Variants in CCDC149 observed in about 807,000 individuals in gnomAD.
The protein encoded by CCDC149 is coiled-coil domain containing 149, also known as coiled-coil domain-containing protein 149.
CCDC149 carries 45 observed loss-of-function variants against 59.9 expected under a neutral mutation model. That is an observed-to-expected ratio of 0.75 (90% CI 0.59 to 0.96). The LOEUF is 0.96. Among genes scored for constraint, CCDC149 ranks in the 40% least tolerant of loss-of-function variants. The probability of loss-of-function intolerance (pLI) is 0.00; values close to 1 mark genes in which losing one functional copy is unlikely to be tolerated. For missense variants in CCDC149, 584 were observed against 664.7 expected, an observed-to-expected ratio of 0.88 and a Z score of 1.33; for synonymous variants, 245 against 260.6, an observed-to-expected ratio of 0.94 and a Z score of 0.58.
chr4:24,853,257 A>G, intron 3 of CCDC149, 78 bp from the exon 4 acceptor site: 1 of 1,075,134 alleles, frequency 9.3e-7, no homozygotes, highest in East Asian at 2.4e-5. Context: ...GGGCTTGTGG[A>G]TGCTGGTGTC....
intron 12 of CCDC149, among the ~76,000 whole-genome samples, chr4:24,811,946 A>C (rs1044764521): frequency 6.6e-6 from 1 of 151,448 alleles, no homozygotes; most frequent in African/African-American, 2.4e-5. Flanking sequence ...GGCAGAATCC[A>C]TTTTCCGCCT....
At position 24,939,574 on chromosome 4, in the gene CCDC149, G is replaced by C. The variant is rs571707329; in HGVS notation, c.-65+40495C>G. 1.6e-3 allele frequency among the ~76,000 whole-genome samples: 240 copies of C among 152,226 alleles called. 1 individual carries two copies. The highest frequency in any genetic ancestry group is 5.2e-3 in the African/African-American group (216 of 41,540). Reference sequence around the variant, plus strand: ...GACTTTGACGAGTTGAGAGAGAAAGGCTTCAGAAGATCAAACTACTCTGAG... The same window carrying C: ...GACTTTGACGAGTTGAGAGAGAAAGCCTTCAGAAGATCAAACTACTCTGAG... On this transcript the variant is annotated intron_variant, in intron 1 of 12. Transcript: ENST00000389609.
chr4:24,813,866 G>A (rs374015082), intron 12 of CCDC149, among the ~76,000 whole-genome samples: 18 of 152,248 alleles, frequency 1.2e-4, no homozygotes, highest in East Asian at 3.9e-4. Context: ...CTACCAAGAC[G>A]AAGGGTGGAG....
chr4:24,951,400 T>C (rs1723288054), intron 1 of CCDC149, among the ~76,000 whole-genome samples: 1 of 152,248 alleles, frequency 6.6e-6, no homozygotes, highest in South Asian at 2.1e-4. Context: ...GTCATAGAGG[T>C]AAATAATAAT....
intron 9 of CCDC149, 115 bp downstream of exon 9, chr4:24,831,391 G>T: frequency 2.0e-6 from 2 of 981,032 alleles, no homozygotes; most frequent in Non-Finnish European, 3.1e-6. Context: ...TTCTTGATTT[G>T]AGGGGTCTCA....
chr4:24,856,555 C>T (rs1718021715), intron 3 of CCDC149, among the ~76,000 whole-genome samples: 1 of 152,166 alleles, frequency 6.6e-6, no homozygotes, highest in African/African-American at 2.4e-5. Flanking sequence ...GAGAAAAAGT[C>T]CCAGACAGGG....
At chr4:24,926,784 G>A (rs1280851196) in intron 1 of CCDC149, among the ~76,000 whole-genome samples, 2 of 152,196 alleles carry the variant, frequency 1.3e-5, no homozygotes, top group Admixed American at 6.5e-5. Flanking sequence ...TTCCCTGCTT[G>A]GGACTGTGGA....
chr4:24,910,415 T>G (rs889417427), intron 1 of CCDC149, among the ~76,000 whole-genome samples: 2 of 152,124 alleles, frequency 1.3e-5, no homozygotes, highest in Non-Finnish European at 2.9e-5. Context: ...TTGCAGCTAC[T>G]GGGGTTAGGT....
chr4:24,924,297 T>G (rs961451680), intron 1 of CCDC149, among the ~76,000 whole-genome samples: 5 of 152,168 alleles, frequency 3.3e-5, no homozygotes, highest in African/African-American at 1.2e-4. Flanking sequence ...CTCTTCATCT[T>G]ACACATGTGA....
At chr4:24,829,856 AG>A (rs1355947773) in intron 9 of CCDC149, 1 of 152,340 alleles carries the variant, frequency 6.6e-6, no homozygotes, top group East Asian at 1.9e-4. Flanking sequence ...GTGGCTGTTG[AG>A]GAAGGAGAGG....
intron 2 of CCDC149, among the ~76,000 whole-genome samples, chr4:24,874,244 G>GTGTT (rs1719240939): frequency 1.1e-5 from 1 of 87,488 alleles, no homozygotes; most frequent in African/African-American, 5.8e-5. Flanking sequence ...TATTAGATTT[G>GTGTT]TTTTTTTTTT....
chr4:24,975,773 C>A (rs1181819571), intron 1 of CCDC149, among the ~76,000 whole-genome samples: 1 of 151,580 alleles, frequency 6.6e-6, no homozygotes, highest in African/African-American at 2.4e-5. Context: ...GGGTCCCAGG[C>A]AAGCAGAAAC....
At chr4:24,957,683 G>A (rs1485867292) in intron 1 of CCDC149, among the ~76,000 whole-genome samples, 2 of 152,224 alleles carry the variant, frequency 1.3e-5, no homozygotes, top group Admixed American at 1.3e-4. Flanking sequence ...AAAGTTTTAT[G>A]AGAACATAAC....
At chr4:24,909,082 C>T (rs1179897619) in intron 1 of CCDC149, among the ~76,000 whole-genome samples, 1 of 152,110 alleles carries the variant, frequency 6.6e-6, no homozygotes, top group East Asian at 1.9e-4. Context: ...TACTTCCAGG[C>T]CTGAAAGAAG....
intron 3 of CCDC149, among the ~76,000 whole-genome samples, chr4:24,854,476 G>A (rs558817953): frequency 6.6e-6 from 1 of 152,124 alleles, no homozygotes; most frequent in Non-Finnish European, 1.5e-5. Context: ...CTCCTGGAAG[G>A]GGGGATCATT....
chr4:24,913,270 C>G (rs1294621237), upstream of CCDC149, among the ~76,000 whole-genome samples: 1 of 152,144 alleles, frequency 6.6e-6, no homozygotes, highest in Admixed American at 6.5e-5. Flanking sequence ...GGCCTGTGTC[C>G]CCCGCAAGAA....
intron 1 of CCDC149, among the ~76,000 whole-genome samples, chr4:24,906,377 T>TTTTATTTTATTTATG (rs1721518010): frequency 3.8e-5 from 1 of 26,474 alleles, no homozygotes; most frequent in East Asian, 5.5e-4. Flanking sequence ...TTTATTTTAT[T>TTTTATTTTATTTATG]TTATTTTATT....
chr4:24,938,267 AT>A (rs1297943658), intron 1 of CCDC149, among the ~76,000 whole-genome samples: 1 of 152,222 alleles, frequency 6.6e-6, no homozygotes, highest in Non-Finnish European at 1.5e-5. Flanking sequence ...AAAGAGGAAT[AT>A]TATTTTTTTT....
intron 8 of CCDC149, among the ~76,000 whole-genome samples, chr4:24,834,341 A>G (rs1716354870): frequency 6.6e-6 from 1 of 152,166 alleles, no homozygotes; most frequent in Admixed American, 6.5e-5. Flanking sequence ...GCGTGCTGCT[A>G]TTTATTCCCC....
Sources: gnomAD v4.1 joint callset for allele counts (sites outside exome capture counted in the v4.1 genomes callset) on GRCh38, gnomAD v4.1.1 for gene constraint, MANE v1.5 for transcripts, NCBI Gene and HGNC (gene_info 2026-07-23, HGNC 2026-07-21) for gene names.